Variants in COMMD10 observed in about 807,000 individuals in gnomAD.
The protein encoded by COMMD10 is COMM domain containing 10.
COMMD10 carries 33 observed loss-of-function variants against 28.9 expected under a neutral mutation model. The ratio of observed to expected loss-of-function variants is 1.14; its 90% confidence interval spans 0.87 to 1.53. COMMD10 has a LOEUF of 1.53. COMMD10 is among the 40% of genes most tolerant of loss of function. COMMD10 has a pLI of 0.00. For missense variants in COMMD10, 310 were observed against 233.4 expected (o/e 1.33, Z -2.14); for synonymous variants, 110 against 81.7 (o/e 1.35, Z -1.87).
At chr5:116,178,428 T>G (rs537679943) in intron 5 of COMMD10, among the ~76,000 whole-genome samples, 1 of 152,136 alleles carries the variant, frequency 6.6e-6, no homozygotes, top group Non-Finnish European at 1.5e-5. Context: ...ATTACATATT[T>G]GGAGTTATTA....
At chr5:116,218,441 T>C in intron 5 of COMMD10, 1 of 368,314 alleles carries the variant, frequency 2.7e-6, no homozygotes, top group South Asian at 2.7e-5. Context: ...TTTATAAATA[T>C]TGACTATTGT....
chr5:116,113,232 T>A (rs922953357), intron 4 of COMMD10, among the ~76,000 whole-genome samples: 5 of 152,106 alleles, frequency 3.3e-5, no homozygotes, highest in Non-Finnish European at 7.4e-5. Context: ...TTCTCTTGAT[T>A]GTAGAATTTG....
In COMMD10 at chr5:116,172,208, A is replaced by G. The variant is rs146168116; in HGVS notation, c.510+38030A>G. Among the ~76,000 whole-genome samples the G allele has an allele frequency of 2.0e-3, 303 of 152,238 alleles. 2 individuals are homozygous for G. The highest frequency in any genetic ancestry group is 6.9e-3 in the African/African-American group (288 of 41,550). ...CTTACCAGCTGCTATTTTTATGGCA[A>G]GATTTTATTTAATATGTAAGGCTGG... On this transcript the variant is annotated intron_variant, in intron 5 of 6. Coordinates refer to ENST00000274458, the MANE Select transcript of COMMD10 (RefSeq NM_016144.4).
intron 4 of COMMD10, among the ~76,000 whole-genome samples, chr5:116,131,740 A>G (rs1751869009): frequency 1.3e-5 from 2 of 151,980 alleles, no homozygotes; most frequent in East Asian, 1.9e-4. Context: ...AATTATTGCA[A>G]TACACTGATC....
intron 4 of COMMD10, among the ~76,000 whole-genome samples, chr5:116,104,046 T>C (rs1466403276): frequency 2.6e-5 from 4 of 152,240 alleles, no homozygotes; most frequent in Non-Finnish European, 5.9e-5. Context: ...TTTTGGTTAC[T>C]GTAGCCTCGT....
chr5:116,213,520 A>G (rs1395063494), intron 5 of COMMD10, among the ~76,000 whole-genome samples: 1 of 152,144 alleles, frequency 6.6e-6, no homozygotes, highest in Non-Finnish European at 1.5e-5. Flanking sequence ...TGTCTGCCAC[A>G]TTTTGTGTAT....
In COMMD10 at chr5:116,205,878, T is replaced by A. The variant is rs113721995; in HGVS notation, c.510+71700T>A. On this transcript the variant is annotated intron_variant, in intron 5 of 6. Coordinates refer to ENST00000274458, the MANE Select transcript of COMMD10 (RefSeq NM_016144.4). ...TTTCTTGATACTTTCAGATATATAT[T>A]TGCTTTACATTATTCTCAGGGTTTC... Among the ~76,000 whole-genome samples the A allele has an allele frequency of 7.9e-3, 1,209 of 152,288 alleles. 16 individuals carry two copies. Among genetic ancestry groups the A allele is most frequent in the African/African-American group, 0.027 (1,116 of 41,568 alleles).
chr5:116,171,975 TAAAA>T (rs1347391624), intron 5 of COMMD10, among the ~76,000 whole-genome samples: 1 of 152,090 alleles, frequency 6.6e-6, no homozygotes, highest in Non-Finnish European at 1.5e-5. Context: ...TAAATTATAA[TAAAA>T]AAATCTGTCC....
At chr5:116,118,508 G>A (rs1193141147) in intron 4 of COMMD10, among the ~76,000 whole-genome samples, 1 of 50,398 alleles carries the variant, frequency 2.0e-5, no homozygotes, top group Non-Finnish European at 4.8e-5. Context: ...TATGAAGAGG[G>A]ATATTTTTTT....
intron 5 of COMMD10, among the ~76,000 whole-genome samples, chr5:116,246,546 A>G (rs1337119232): frequency 6.6e-6 from 1 of 152,186 alleles, no homozygotes; most frequent in African/African-American, 2.4e-5. Context: ...TTTTAAGCAA[A>G]AAGAGCAAAG....
intron 5 of COMMD10, among the ~76,000 whole-genome samples, chr5:116,195,370 T>C (rs961421691): frequency 7.9e-5 from 12 of 151,886 alleles, no homozygotes; most frequent in Admixed American, 7.9e-4. Context: ...AGAGAAAGAC[T>C]GTCAGTGTTT....
chr5:116,143,239 C>T (rs1752248670), intron 5 of COMMD10, among the ~76,000 whole-genome samples: 1 of 151,360 alleles, frequency 6.6e-6, no homozygotes, highest in Non-Finnish European at 1.5e-5. Context: ...TTCAGGCTGT[C>T]AAGTGGAAAG....
chr5:116,235,202 C>T (rs562851333), intron 5 of COMMD10, among the ~76,000 whole-genome samples: 1 of 152,254 alleles, frequency 6.6e-6, no homozygotes, highest in Admixed American at 6.5e-5. Context: ...AAGAAGCTCT[C>T]AGTCAAAACA....
chr5:116,263,643 A>T (rs552427934), intron 5 of COMMD10, among the ~76,000 whole-genome samples: 16 of 151,596 alleles, frequency 1.1e-4, no homozygotes, highest in Non-Finnish European at 2.1e-4. Context: ...GGTCTCCACA[A>T]TCGTTTTTCT....
chr5:116,290,893 C>T (rs253950), intron 5 of COMMD10, among the ~76,000 whole-genome samples: 72,341 of 151,916 alleles, frequency 0.48, 19,310 homozygotes, highest in African/African-American at 0.73. Context: ...ATCATACATA[C>T]ATATACAATA....
chr5:116,202,245 A>G (rs1412608828), intron 5 of COMMD10, among the ~76,000 whole-genome samples: 1 of 151,656 alleles, frequency 6.6e-6, no homozygotes, highest in East Asian at 1.9e-4. Flanking sequence ...ATAGTATTCC[A>G]TGGTGTATAT....
intron 5 of COMMD10, among the ~76,000 whole-genome samples, chr5:116,283,700 A>G (rs998095907): frequency 4.6e-5 from 7 of 151,664 alleles, no homozygotes; most frequent in African/African-American, 1.2e-4. Context: ...AATCTGATCA[A>G]TGTTTCGTAT....
At chr5:116,102,127 C>G (rs926056773) in intron 4 of COMMD10, among the ~76,000 whole-genome samples, 1 of 152,098 alleles carries the variant, frequency 6.6e-6, no homozygotes, top group Non-Finnish European at 1.5e-5. Context: ...GTCATGAATT[C>G]TTTGCTTAGA....
intron 5 of COMMD10, among the ~76,000 whole-genome samples, chr5:116,201,858 C>T (rs920984610): frequency 5.9e-5 from 9 of 152,062 alleles, no homozygotes. Context: ...AATATTTGGA[C>T]TCCCAATTAA....
Sources: allele counts gnomAD v4.1 joint callset (sites outside exome capture counted in the v4.1 genomes callset), GRCh38; gene constraint gnomAD v4.1.1; transcripts MANE v1.5; gene names NCBI Gene and HGNC (gene_info 2026-07-23, HGNC 2026-07-21).